SOS2: variants seen among roughly 807,000 people sequenced by gnomAD.
SOS2 encodes the protein SOS Ras/Rho guanine nucleotide exchange factor 2.
Under a neutral mutation model 148.2 loss-of-function variants are expected in SOS2, and 65 were observed. The ratio of observed to expected loss-of-function variants is 0.44; its 90% CI spans 0.36 to 0.54. The LOEUF is 0.54. SOS2 is among the 20% of genes least tolerant of loss of function. The pLI, the probability that SOS2 is intolerant of heterozygous loss-of-function variation, is 0.00. For missense variants in SOS2, 1,341 were observed against 1,590.2 expected (o/e 0.84, Z 2.67); for synonymous variants, 539 against 537.1 (o/e 1.00, Z -0.05).
At chr14:50,163,713 TTCTCAGCTCCAC>T (rs1245271056) in intron 8 of SOS2, among the ~76,000 whole-genome samples, 1 of 152,246 alleles carries the variant, frequency 6.6e-6, no homozygotes, top group Non-Finnish European at 1.5e-5. Context: ...ACAGAAAGTC[TTCTCAGCTCCAC>T]TCTAAAATAT....
Position 50,200,822 on chromosome 14 carries a change from C to G in SOS2, c.345+131G>C, listed in dbSNP as rs938365235. The G allele has an allele frequency of 5.8e-6, 4 of 695,124 alleles. No homozygotes were observed. In the Admixed American group the frequency reaches 9.2e-5, roughly 16 times the overall value. The allele number at this position is 695,124 out of a possible 1,614,324, so 43.1% of individuals were successfully genotyped here. A position where few individuals can be genotyped will look rare whatever the true frequency, so the allele number is the denominator to read the frequency against. The stretch of plus-strand genomic sequence containing the variant: ...TATTAATATATGCGATGTGTATGTA[C>G]AAGCATACATATGGAAGTGCACATA... On this transcript the variant is annotated intron_variant, in intron 3 of 22. Coordinates refer to ENST00000216373, the MANE Select transcript of SOS2 (RefSeq NM_006939.4).
In SOS2 at chr14:50,188,708, A is replaced by C; in HGVS notation, c.511-8T>G. The C allele has an allele frequency of 1.3e-6, 2 of 1,562,850 alleles. No individual in the cohort carries two copies. Among genetic ancestry groups the C allele is most frequent in the Non-Finnish European group, 1.7e-6 (2 of 1,149,882 alleles). On this transcript the variant is annotated splice_polypyrimidine_tract_variant and splice_region_variant and intron_variant, in intron 4 of 22. Transcript: ENST00000216373. ...AAACATGTCCATCAAAACCTGAGAA[A>C]CAGAAATCAATAATGTATAAATTTA...
At chr14:50,120,791 G>A (rs898750108) in intron 21 of SOS2, among the ~76,000 whole-genome samples, 1 of 139,624 alleles carries the variant, frequency 7.2e-6, no homozygotes, top group African/African-American at 2.7e-5. Flanking sequence ...CTAGGCTGGA[G>A]TGCAATGGCA....
At chr14:50,133,666 G>T (rs1001667282) in intron 19 of SOS2, among the ~76,000 whole-genome samples, 1 of 152,090 alleles carries the variant, frequency 6.6e-6, no homozygotes, top group Admixed American at 6.5e-5. Flanking sequence ...TACTTCTGTT[G>T]CCACTGCAAA....
At chr14:50,151,659 T>C (rs1884667665) in intron 13 of SOS2, among the ~76,000 whole-genome samples, 1 of 152,192 alleles carries the variant, frequency 6.6e-6, no homozygotes, top group Non-Finnish European at 1.5e-5. Context: ...TATTCTAATG[T>C]GTGTGTGTAT....
chr14:50,134,606 C>G (rs1225427197), intron 18 of SOS2, among the ~76,000 whole-genome samples: 2 of 151,770 alleles, frequency 1.3e-5, no homozygotes, highest in Non-Finnish European at 2.9e-5. Context: ...GTGTTTAGAA[C>G]AAAGCTATGG....
chr14:50,142,934 G>A (rs1884342891), intron 16 of SOS2, among the ~76,000 whole-genome samples: 1 of 152,114 alleles, frequency 6.6e-6, no homozygotes, highest in South Asian at 2.1e-4. Flanking sequence ...ATATGGCTGA[G>A]TTTCTAACTT....
intron 1 of SOS2, among the ~76,000 whole-genome samples, chr14:50,229,509 A>G (rs892231803): frequency 3.9e-5 from 6 of 152,040 alleles, no homozygotes; most frequent in Non-Finnish European, 5.9e-5. Context: ...ACTTGAAAAA[A>G]AAAAAAAAAA....
At chr14:50,178,671 CATATAT>C (rs1170021476) in intron 7 of SOS2, among the ~76,000 whole-genome samples, 146 of 14,424 alleles carry the variant, frequency 0.01, 2 homozygotes, top group Middle Eastern at 0.029. Context: ...TGTGTGTGTG[CATATAT>C]ATATATATAT....
chr14:50,210,208 T>G (rs1231071480), intron 1 of SOS2, among the ~76,000 whole-genome samples: 2 of 152,182 alleles, frequency 1.3e-5, no homozygotes. Flanking sequence ...AAGAAATCAA[T>G]GGGACATAAC....
chr14:50,211,355 G>A (rs1316270671), intron 1 of SOS2, among the ~76,000 whole-genome samples: 1 of 152,062 alleles, frequency 6.6e-6, no homozygotes, highest in Non-Finnish European at 1.5e-5. Flanking sequence ...TTTAGATTAA[G>A]GGGGTATATG....
intron 7 of SOS2, among the ~76,000 whole-genome samples, chr14:50,177,057 CTT>C: frequency 2.0e-5 from 3 of 152,086 alleles, no homozygotes; most frequent in Non-Finnish European, 4.4e-5. Flanking sequence ...TAAGTTCTAA[CTT>C]CAAATCTTAT....
At chr14:50,165,551 T>C (rs564790218) in intron 8 of SOS2, among the ~76,000 whole-genome samples, 12 of 152,370 alleles carry the variant, frequency 7.9e-5, no homozygotes, top group East Asian at 3.8e-4. Flanking sequence ...TCCTGCTTCA[T>C]TGATCTCATA....
intron 11 of SOS2, 141 bp from the exon 12 acceptor site, chr14:50,157,262 A>T: frequency 1.2e-6 from 1 of 826,384 alleles, no homozygotes; most frequent in Admixed American, 3.0e-5. Flanking sequence ...GATATACTAC[A>T]AAAAACTGTC....
chr14:50,168,965 T>G (rs1375041578), intron 8 of SOS2, among the ~76,000 whole-genome samples: 1 of 152,216 alleles, frequency 6.6e-6, no homozygotes, highest in Non-Finnish European at 1.5e-5. Context: ...GAAAAACAAC[T>G]ATATGACAAG....
At chr14:50,224,766 G>T (rs1887316132) in intron 1 of SOS2, among the ~76,000 whole-genome samples, 1 of 151,546 alleles carries the variant, frequency 6.6e-6, no homozygotes, top group Admixed American at 6.6e-5. Context: ...CATGCCTGTA[G>T]TCCCAGCTAC....
intron 8 of SOS2, among the ~76,000 whole-genome samples, chr14:50,164,631 C>CAA (rs201104460): frequency 7.8e-6 from 1 of 127,756 alleles, no homozygotes. Flanking sequence ...ATTCTGTCTC[C>CAA]AAAAAAAAAA....
At chr14:50,173,853 T>C (rs1353845134) in intron 8 of SOS2, among the ~76,000 whole-genome samples, 1 of 152,210 alleles carries the variant, frequency 6.6e-6, no homozygotes, top group Admixed American at 6.5e-5. Context: ...TATATTTGGA[T>C]GCCTTAATTT....
Position 50,130,711 on chromosome 14 carries a change from CTG to C in SOS2, c.3125_3126del (p.Thr1042ArgfsTer23). On this transcript the variant is annotated frameshift_variant, in exon 20 of 23. Transcript: ENST00000216373. LOFTEE classifies it high-confidence loss of function. ...SLKSPGIRPNTGRHGSTSGTL... is the reference protein window; with the variant it reads ...SLKSPGIRPNXGRHGSTSGTL... ...GTACCTGAGGTAGAGCCATGTCGGCCTGTGTTAGGCCTTATTCCAGGAGATTT... is the reference window on the plus strand; with the variant it reads ...GTACCTGAGGTAGAGCCATGTCGGCCTGTTAGGCCTTATTCCAGGAGATTT... The C allele has an allele frequency of 6.2e-7, 1 of 1,614,020 alleles. No individual in the cohort carries two copies. Among genetic ancestry groups the C allele is most frequent in the Non-Finnish European group, 8.5e-7 (1 of 1,179,906 alleles).
Sources: gnomAD v4.1 joint callset for allele counts (sites outside exome capture counted in the v4.1 genomes callset) on GRCh38, gnomAD v4.1.1 for gene constraint, MANE v1.5 for transcripts, NCBI Gene and HGNC (gene_info 2026-07-23, HGNC 2026-07-21) for gene names.